The following SFMBT2 variants were observed in gnomAD, a reference collection of about 807,000 sequenced individuals.
SFMBT2 encodes the protein scm-like with four MBT domains protein 2.
In SFMBT2, 38 loss-of-function variants were observed where a neutral mutation model predicts 110.1. The ratio of observed to expected loss-of-function variants is 0.35; its 90% CI spans 0.27 to 0.45. The LOEUF (loss-of-function observed/expected upper bound fraction) is 0.45, where lower values mean the gene tolerates loss of function less well. SFMBT2 is among the 20% of genes least tolerant of loss of function. SFMBT2 has a pLI of 1.00. For synonymous variants in SFMBT2, 425 were observed against 425.4 expected (o/e 1.00, Z 0.01); for missense variants, 1,011 against 1,094.9 (o/e 0.92, Z 1.08).
chr10:7,216,901 C>T (rs1354528577), intron 11 of SFMBT2, among the ~76,000 whole-genome samples: 2 of 152,184 alleles, frequency 1.3e-5, no homozygotes, highest in African/African-American at 4.8e-5. Flanking sequence ...CAGGACCAGC[C>T]CCTCTATCAA....
intron 4 of SFMBT2, among the ~76,000 whole-genome samples, chr10:7,349,904 A>G (rs917550558): frequency 1.3e-5 from 2 of 152,110 alleles, no homozygotes; most frequent in Non-Finnish European, 2.9e-5. Context: ...CGATGCAAAA[A>G]TCTTCCAGTG....
intron 11 of SFMBT2, 88 bp from the exon 12 acceptor site, chr10:7,206,016 A>G: frequency 6.5e-7 from 1 of 1,538,390 alleles, no homozygotes; most frequent in Non-Finnish European, 8.8e-7. Flanking sequence ...CATCCCTAAC[A>G]TGGGGAAAAA....
chr10:7,383,159 G>C (rs2254890), intron 1 of SFMBT2, among the ~76,000 whole-genome samples: 142,521 of 152,338 alleles, frequency 0.94, 66,781 homozygotes, highest in East Asian at 1. Context: ...GACTCACATA[G>C]TGGTAAAATA....
intron 4 of SFMBT2, among the ~76,000 whole-genome samples, chr10:7,354,139 A>G (rs2132019554): frequency 6.6e-6 from 1 of 152,042 alleles, no homozygotes; most frequent in South Asian, 2.1e-4. Flanking sequence ...AAAAATATAC[A>G]TAAGTACTAC....
chr10:7,392,985 A>C (rs1401196811), intron 1 of SFMBT2, among the ~76,000 whole-genome samples: 5 of 5,162 alleles, frequency 9.7e-4, no homozygotes, highest in Non-Finnish European at 2.7e-3. Flanking sequence ...TGGATAGATT[A>C]TATATATATA....
chr10:7,353,275 G>C (rs57673025), intron 4 of SFMBT2, among the ~76,000 whole-genome samples: 8,500 of 152,162 alleles, frequency 0.056, 779 homozygotes, highest in African/African-American at 0.19. Context: ...CAGTAATGTG[G>C]TGATACAGTG....
At position 7,340,213 on chromosome 10, in the gene SFMBT2, C is replaced by T. The variant is rs139427277; in HGVS notation, c.436+27436G>A. On this transcript the variant is annotated intron_variant, in intron 4 of 20. Coordinates refer to ENST00000397167, the MANE Select transcript of SFMBT2 (RefSeq NM_001387889.1). ...TGCTATTCAGAAAATCAAAAGGAAG[C>T]GAAAATATATTTAGCATTCATTCAG... Among the ~76,000 whole-genome samples, 405 of 152,014 alleles carry T rather than the reference C, an allele frequency of 2.7e-3. 3 individuals are homozygous for T. The highest frequency in any genetic ancestry group is 9.0e-3 in the African/African-American group (371 of 41,430).
chr10:7,226,150 A>T (rs1421660693), intron 10 of SFMBT2, among the ~76,000 whole-genome samples: 1 of 152,216 alleles, frequency 6.6e-6, no homozygotes, highest in Non-Finnish European at 1.5e-5. Context: ...CTATGTGTAA[A>T]TTCTGCCTAG....
At chr10:7,215,821 C>A (rs773072607) in intron 11 of SFMBT2, 6 of 742,822 alleles carry the variant, frequency 8.1e-6, no homozygotes, top group Non-Finnish European at 9.9e-6. Flanking sequence ...CCCCGTGCAT[C>A]GAACACAGTA....
At chr10:7,346,069 T>G (rs1205547500) in intron 4 of SFMBT2, among the ~76,000 whole-genome samples, 1 of 152,178 alleles carries the variant, frequency 6.6e-6, no homozygotes, top group African/African-American at 2.4e-5. Flanking sequence ...CGAAATTCCC[T>G]CATTCTTCCT....
chr10:7,222,359 T>C (rs1839769744), intron 10 of SFMBT2, among the ~76,000 whole-genome samples: 1 of 152,244 alleles, frequency 6.6e-6, no homozygotes, highest in South Asian at 2.1e-4. Flanking sequence ...CTCAGGCTGC[T>C]GTGGCAAAAT....
At position 7,256,293 on chromosome 10, in the gene SFMBT2, T is replaced by C. The variant is rs530695908; in HGVS notation, c.871-7644A>G. ...AAAGGATTTTTAAAAAATCAATAAT[T>C]AGTACAAGCAAACAATACCACTACA... is the stretch of plus-strand genomic sequence containing the variant. On this transcript the variant is annotated intron_variant, in intron 7 of 20. Transcript: ENST00000397167. 7.9e-5 allele frequency among the ~76,000 whole-genome samples: 12 copies of C among 152,300 alleles called. No individual in the cohort carries two copies. The South Asian group carries it at 2.3e-3, about 29-fold the overall frequency.
At chr10:7,342,655 C>T (rs1236410472) in intron 4 of SFMBT2, among the ~76,000 whole-genome samples, 1 of 152,028 alleles carries the variant, frequency 6.6e-6, no homozygotes, top group Non-Finnish European at 1.5e-5. Flanking sequence ...CCTCTGCCTC[C>T]CAAAGTGCTG....
chr10:7,379,279 C>G (rs1845359153), intron 2 of SFMBT2, among the ~76,000 whole-genome samples: 1 of 152,150 alleles, frequency 6.6e-6, no homozygotes, highest in African/African-American at 2.4e-5. Context: ...GCAACAGCCC[C>G]AAACCTGTCC....
At position 7,311,059 on chromosome 10, in the gene SFMBT2, A is replaced by AAAC. The variant is rs1831943212; in HGVS notation, c.437-25106_437-25105insGTT. ...AAACTCCATCTCAAAAAAAAAAAAA[A>AAAC]AAAACAAAACAAAAACAAAATAAAA... On this transcript the variant is annotated intron_variant, in intron 4 of 20. Coordinates refer to ENST00000397167, the MANE Select transcript of SFMBT2 (RefSeq NM_001387889.1). Among the ~76,000 whole-genome samples, 3 of 149,842 alleles carry AAAC rather than the reference A, an allele frequency of 2.0e-5. No individual in the cohort carries two copies. The East Asian group carries it at 5.8e-4, about 29-fold the overall frequency.
intron 11 of SFMBT2, among the ~76,000 whole-genome samples, chr10:7,212,758 C>T (rs1017655105): frequency 6.6e-6 from 1 of 152,164 alleles, no homozygotes; most frequent in African/African-American, 2.4e-5. Context: ...TATGTGCCTA[C>T]AGAGGATGGG....
chr10:7,218,205 A>C (rs548667326), intron 11 of SFMBT2, among the ~76,000 whole-genome samples: 3 of 152,352 alleles, frequency 2.0e-5, no homozygotes, highest in East Asian at 3.9e-4. Flanking sequence ...TTAGATAAAA[A>C]AATTTAGCAG....
chr10:7,296,522 C>A (rs1354032276), intron 4 of SFMBT2, among the ~76,000 whole-genome samples: 1 of 152,210 alleles, frequency 6.6e-6, no homozygotes, highest in Non-Finnish European at 1.5e-5. Flanking sequence ...AGCAAAAGAA[C>A]TTCCATTCAA....
chr10:7,229,503 G>A (rs1228452866), intron 9 of SFMBT2, among the ~76,000 whole-genome samples: 3 of 149,850 alleles, frequency 2.0e-5, no homozygotes, highest in Middle Eastern at 3.3e-3. Context: ...GCTCAAACCC[G>A]TGAGGCAGAG....
Sources: allele counts gnomAD v4.1 joint callset (sites outside exome capture counted in the v4.1 genomes callset), GRCh38; gene constraint gnomAD v4.1.1; transcripts MANE v1.5; gene names NCBI Gene and HGNC (gene_info 2026-07-23, HGNC 2026-07-21).